Variants in UBQLN3 observed in about 807,000 individuals in gnomAD.
UBQLN3 encodes ubiquilin-3.
In UBQLN3, 1 loss-of-function variant was observed where a neutral mutation model predicts 2.9. That is an observed-to-expected ratio of 0.35 (90% CI 0.12 to 1.66). The LOEUF (loss-of-function observed/expected upper bound fraction) is 1.66, where lower values mean the gene tolerates loss of function less well. Ranked by LOEUF, UBQLN3 falls within the 40% of genes most tolerant of loss-of-function variation. The pLI, the probability that UBQLN3 is intolerant of heterozygous loss-of-function variation, is 0.35. For synonymous variants in UBQLN3, 358 were observed against 317.6 expected, an observed-to-expected ratio of 1.13 and a Z score of -1.35; for missense variants, 924 against 816.5, an observed-to-expected ratio of 1.13 and a Z score of -1.61.
rs1191932807 is a variant in UBQLN3, at chr11:5,509,311, T to C, written c.248A>G (p.Asp83Gly). 2.5e-6 allele frequency: 4 copies of C among 1,614,164 alleles called. No homozygotes were observed. ...PDSLAQCGVR[D>G]GLTVHLVIKR... is the part of the protein sequence containing the mutation. ...GATGACCAGGTGGACAGTGAGGCCA[T>C]CTCGCACTCCACACTGTGCCAGTGA... The change falls in exon 2 of 2, where the codon GAT becomes GGT. Residue 83 changes from aspartate (D) to glycine (G), a missense_variant. By Grantham distance (94) the Asp-to-Gly change is moderately conservative. Coordinates refer to ENST00000311659, the MANE Select transcript of UBQLN3 (RefSeq NM_017481.4).
chr11:5,509,916 A>G lies in UBQLN3; in HGVS notation c.-79T>C, dbSNP rs1031395471. On this transcript the variant is annotated 5_prime_UTR_variant, in exon 1 of 2. Coordinates refer to ENST00000311659, the MANE Select transcript of UBQLN3 (RefSeq NM_017481.4). Reference sequence around the variant, plus strand: ...GTCCTTCTCTTTATGCAGGGCTCCAAACCTCCCTCATCTTGCTACACAGCC... The same window carrying G: ...GTCCTTCTCTTTATGCAGGGCTCCAGACCTCCCTCATCTTGCTACACAGCC... 17 of 207,140 alleles carry G rather than the reference A, an allele frequency of 8.2e-5. No individual in the cohort carries two copies. The highest frequency in any genetic ancestry group is 4.7e-4 in the Admixed American group (9 of 18,954). 12.8% of individuals were successfully genotyped at this position (207,140 alleles called of 1,614,324 possible).
Position 5,509,266 on chromosome 11 carries a change from A to G in UBQLN3, c.293T>C (p.Met98Thr), listed in dbSNP as rs200309970. 5 of 1,614,208 alleles carry G rather than the reference A, an allele frequency of 3.1e-6. No individual in the cohort carries two copies. The highest frequency in any genetic ancestry group is 2.7e-5 in the African/African-American group (2 of 75,064). Reference sequence around the variant, plus strand: ...AGAGGCAGCTGGGCACTCATTGCCCATGGCACGGTGCTGCCTCTTGATGAC... The same window carrying G: ...AGAGGCAGCTGGGCACTCATTGCCCGTGGCACGGTGCTGCCTCTTGATGAC... ...HLVIKRQHRA[M>T]GNECPAASVP... Residue 98 changes from methionine to threonine, a missense_variant, in exon 2 of 2, where the codon ATG (methionine) becomes ACG (threonine). By Grantham distance (81) the Met-to-Thr change is moderately conservative. Transcript: ENST00000311659.
Position 5,509,401 on chromosome 11 carries a change from C to T in UBQLN3, c.158G>A (p.Arg53His), listed in dbSNP as rs374667845. 75 of 1,614,026 alleles carry T rather than the reference C, an allele frequency of 4.6e-5. No homozygotes were observed. The highest frequency in any genetic ancestry group is 1.6e-4 in the Middle Eastern group (1 of 6,084). ...AAGCTGATCGGGGTGGGCCTTAAAG[C>T]GCTGAGATATCTCTTCCTTCAGCTG... Reference protein sequence around the residue: ...IQQLKEEISQRFKAHPDQLVL... With the variant: ...IQQLKEEISQHFKAHPDQLVL... The change falls in exon 2 of 2, where the codon CGC becomes CAC. Residue 53 changes from arginine (R) to histidine (H), a missense_variant. By Grantham distance (29) the Arg-to-His change is conservative (BLOSUM62 0). Coordinates refer to ENST00000311659, the MANE Select transcript of UBQLN3 (RefSeq NM_017481.4).
chr11:5,508,757 C>A lies in UBQLN3; in HGVS notation c.802G>T (p.Ala268Ser). 1.2e-6 allele frequency: 2 copies of A among 1,614,024 alleles called. No homozygotes were observed. Among genetic ancestry groups the A allele is most frequent in the Non-Finnish European group, 1.7e-6 (2 of 1,180,022 alleles). ...YTDIMDPMLNAVQEQFGGNPF... is the reference protein window; with the variant it reads ...YTDIMDPMLNSVQEQFGGNPF... The stretch of plus-strand genomic sequence containing the variant: ...TTGCCGCCAAACTGCTCCTGGACTG[C>A]GTTAAGCATTGGGTCCATAATATCT... The change falls in exon 2 of 2, where the codon GCA becomes TCA. Residue 268 changes from alanine (A) to serine (S), a missense_variant. Ala to Ser is a moderately conservative substitution (Grantham distance 99). Coordinates refer to ENST00000311659, the MANE Select transcript of UBQLN3 (RefSeq NM_017481.4). The surrounding 1 kb of genome is among the most constrained non-coding windows in gnomAD (Gnocchi z 4.2).
Position 5,509,308 on chromosome 11 carries a change from C to A in UBQLN3, c.251G>T (p.Gly84Val). The change falls in exon 2 of 2, where the codon GGC (glycine) becomes GTC (valine). Residue 84 changes from glycine to valine, a missense_variant. Gly to Val is a moderately radical substitution (Grantham distance 109). Transcript: ENST00000311659. ...DSLAQCGVRD[G>V]LTVHLVIKRQ... ...CTTGATGACCAGGTGGACAGTGAGG[C>A]CATCTCGCACTCCACACTGTGCCAG... is the stretch of plus-strand genomic sequence containing the variant. 1.2e-6 allele frequency: 2 copies of A among 1,614,126 alleles called. No homozygotes were observed. Among genetic ancestry groups the A allele is most frequent in the Non-Finnish European group, 1.7e-6 (2 of 1,179,996 alleles).
rs182850714 is a variant in UBQLN3, at chr11:5,507,755, A to T, written c.1804T>A (p.Leu602Ile). ...SPPFLHMLQD[L>I]VSTNPQQLQP... ...AGCTGCTGGGGATTTGTACTAACTA[A>T]ATCTTGCAGCATATGGAGAAAGGGA... Residue 602 changes from leucine (L) to isoleucine (I), a missense_variant, in exon 2 of 2, where the codon TTA becomes ATA. Physicochemically the swap from Leu to Ile is conservative, Grantham distance 5. Coordinates refer to ENST00000311659, the MANE Select transcript of UBQLN3 (RefSeq NM_017481.4). 25 of 1,614,102 alleles carry T rather than the reference A, an allele frequency of 1.5e-5. No homozygotes were observed. The highest frequency in any genetic ancestry group is 2.0e-5 in the Non-Finnish European group (24 of 1,180,014).
At position 5,507,683 on chromosome 11, in the gene UBQLN3, T is replaced by C; in HGVS notation, c.1876A>G (p.Met626Val). The change falls in exon 2 of 2, where the codon ATG (methionine) becomes GTG (valine). Residue 626 changes from methionine (M) to valine (V), a missense_variant. Met to Val is a conservative substitution (Grantham distance 21). Coordinates refer to ENST00000311659, the MANE Select transcript of UBQLN3 (RefSeq NM_017481.4). ...FQVQLEQLRS[M>V]GFLNREANLQ... The stretch of plus-strand genomic sequence containing the variant: ...TTGGCTTCACGATTCAGAAAGCCCA[T>C]GGACCGCAGTTGCTCCAGCTGCACC... The C allele has an allele frequency of 6.2e-7, 1 of 1,614,108 alleles. No individual in the cohort carries two copies. The highest frequency in any genetic ancestry group is 8.5e-7 in the Non-Finnish European group (1 of 1,180,032).
chr11:5,507,557 A>T lies in UBQLN3; in HGVS notation c.*34T>A, dbSNP rs774242857. ...GAACTAGGATATGGGAAAAAGGCAC[A>T]GAGGAAAACGTATGGTTTGAATGAA... On this transcript the variant is annotated 3_prime_UTR_variant, in exon 2 of 2. Coordinates refer to ENST00000311659, the MANE Select transcript of UBQLN3 (RefSeq NM_017481.4). 7.1e-6 allele frequency: 11 copies of T among 1,540,746 alleles called. No homozygotes were observed. The African/African-American group carries it at 1.5e-4, about 21-fold the overall frequency.
In UBQLN3 at chr11:5,507,771, G is replaced by A. The variant is rs760227469; in HGVS notation, c.1788C>T (p.Leu596=). 6.8e-6 allele frequency: 11 copies of A among 1,614,110 alleles called. No individual in the cohort carries two copies. In the South Asian group the frequency reaches 1.2e-4, roughly 18 times the overall value. ...AELGFLSPPF[L]HMLQDLVSTN... is the part of the protein sequence containing the mutation. ...TACTAACTAAATCTTGCAGCATATG[G>A]AGAAAGGGAGGGGAAAGGAAGCCCA... Residue 596 remains leucine (L), a synonymous_variant, in exon 2 of 2, where the codon CTC becomes CTT. Transcript: ENST00000311659.
In UBQLN3 at chr11:5,508,705, T is replaced by C; in HGVS notation, c.854A>G (p.Asn285Ser). 1 of 1,613,990 alleles carries C rather than the reference T, an allele frequency of 6.2e-7. No individual in the cohort carries two copies. Among genetic ancestry groups the C allele is most frequent in the Non-Finnish European group, 8.5e-7 (1 of 1,180,012 alleles). Residue 285 changes from asparagine to serine, a missense_variant, in exon 2 of 2, where the codon AAT (asparagine) becomes AGT (serine). Coordinates refer to ENST00000311659, the MANE Select transcript of UBQLN3 (RefSeq NM_017481.4). This position sits in a 1 kb window ranked among gnomAD's most constrained non-coding sequence, Gnocchi z 4.2. The stretch of plus-strand genomic sequence containing the variant: ...AGGTTGGCTGGTGGTGGTGGTGGCA[T>C]TATCAGTAGTGGCAGTGGCAAAGGG... ...GNPFATATTD[N>S]ATTTTSQPSR...
chr11:5,509,421 C>T lies in UBQLN3; in HGVS notation c.138G>A (p.Leu46=). The T allele has an allele frequency of 6.2e-7, 1 of 1,614,236 alleles. No homozygotes were observed. Among genetic ancestry groups the T allele is most frequent in the Non-Finnish European group, 8.5e-7 (1 of 1,180,040 alleles). The change falls in exon 2 of 2, where the codon CTG becomes CTA. Residue 46 remains leucine (L), a synonymous_variant. Transcript: ENST00000311659. ...SVTDTCTIQQ[L]KEEISQRFKA... ...TAAAGCGCTGAGATATCTCTTCCTT[C>T]AGCTGCTGGATAGTGCATGTGTCTG...
Position 5,508,759 on chromosome 11 carries a change from T to C in UBQLN3, c.800A>G (p.Asn267Ser), listed in dbSNP as rs1379181423. ...GCCGCCAAACTGCTCCTGGACTGCG[T>C]TAAGCATTGGGTCCATAATATCTGT... Reference protein sequence around the residue: ...MYTDIMDPMLNAVQEQFGGNP... With the variant: ...MYTDIMDPMLSAVQEQFGGNP... The change falls in exon 2 of 2, where the codon AAC becomes AGC. Residue 267 changes from asparagine to serine, a missense_variant. By Grantham distance (46) the Asn-to-Ser change is conservative (BLOSUM62 1). Coordinates refer to ENST00000311659, the MANE Select transcript of UBQLN3 (RefSeq NM_017481.4). The surrounding 1 kb of genome is among the most constrained non-coding windows in gnomAD (Gnocchi z 4.2). 1 of 1,614,072 alleles carries C rather than the reference T, an allele frequency of 6.2e-7. No homozygotes were observed. Among genetic ancestry groups the C allele is most frequent in the South Asian group, 1.1e-5 (1 of 91,070 alleles).
Position 5,508,820 on chromosome 11 carries a change from T to C in UBQLN3, c.739A>G (p.Ile247Val). ...CAAAGCACATTGTAGCCACCAGGAA[T>C]GCTCTCCAAGTTACTGAGCACCCGG... ...QDRVLSNLES[I>V]PGGYNVLCTM... is the part of the protein sequence containing the mutation. The change falls in exon 2 of 2, where the codon ATT (isoleucine) becomes GTT (valine). Residue 247 changes from isoleucine to valine, a missense_variant. Transcript: ENST00000311659. This position sits in a 1 kb window ranked among gnomAD's most constrained non-coding sequence, Gnocchi z 4.2. 6.2e-7 allele frequency: 1 copy of C among 1,614,208 alleles called. No individual in the cohort carries two copies.
In UBQLN3 at chr11:5,508,695, G is replaced by C; in HGVS notation, c.864C>G (p.Thr288=). ...FATATTDNAT[T]TTSQPSRMEN... Reference sequence around the variant, plus strand: ...CCATCCTTGAAGGTTGGCTGGTGGTGGTGGTGGCATTATCAGTAGTGGCAG... The same window carrying C: ...CCATCCTTGAAGGTTGGCTGGTGGTCGTGGTGGCATTATCAGTAGTGGCAG... The change falls in exon 2 of 2, where the codon ACC becomes ACG. Residue 288 remains threonine (T), a synonymous_variant. Transcript: ENST00000311659. The surrounding 1 kb of genome is among the most constrained non-coding windows in gnomAD (Gnocchi z 4.2). 3.7e-6 allele frequency: 6 copies of C among 1,614,040 alleles called. No individual in the cohort carries two copies. Among genetic ancestry groups the C allele is most frequent in the Non-Finnish European group, 5.1e-6 (6 of 1,180,024 alleles).
chr11:5,508,126 G>A lies in UBQLN3; in HGVS notation c.1433C>T (p.Pro478Leu), dbSNP rs1156580725. 1.9e-6 allele frequency: 3 copies of A among 1,614,096 alleles called. No homozygotes were observed. Among genetic ancestry groups the A allele is most frequent in the South Asian group, 1.1e-5 (1 of 91,076 alleles). Residue 478 changes from proline to leucine, a missense_variant, in exon 2 of 2, where the codon CCA becomes CTA. Coordinates refer to ENST00000311659, the MANE Select transcript of UBQLN3 (RefSeq NM_017481.4). This position sits in a 1 kb window ranked among gnomAD's most constrained non-coding sequence, Gnocchi z 4.2. ...CAGAGATCTTGGATAAGCCGGGGAT[G>A]GCAGCCAGGGAGGCTCAGGGATTCC... ...IPGIPEPPWL[P>L]SPAYPRSLRP...
chr11:5,509,774 G>A lies in UBQLN3; in HGVS notation c.-37+100C>T, dbSNP rs1846446185. The A allele has an allele frequency of 4.1e-6, 3 of 727,272 alleles. No individual in the cohort carries two copies. In the South Asian group the frequency reaches 6.2e-5, roughly 15 times the overall value. 45.1% of individuals were successfully genotyped at this position (727,272 alleles called of 1,614,324 possible). ...GAAGATTGCGGGATTGAGATATGTT[G>A]GAATCAGGGGAGGGAAATGCAGGGC... is the stretch of plus-strand genomic sequence containing the variant. On this transcript the variant is annotated intron_variant, in intron 1 of 1. Transcript: ENST00000311659.
chr11:5,508,693 G>C lies in UBQLN3; in HGVS notation c.866C>G (p.Thr289Ser), dbSNP rs773712750. ...ATATTDNATT[T>S]TSQPSRMENC... is the part of the protein sequence containing the mutation. ...CTCCATCCTTGAAGGTTGGCTGGTG[G>C]TGGTGGTGGCATTATCAGTAGTGGC... Residue 289 changes from threonine to serine, a missense_variant, in exon 2 of 2, where the codon ACC becomes AGC. Thr to Ser is a moderately conservative substitution (Grantham distance 58, BLOSUM62 1). Transcript: ENST00000311659. This position sits in a 1 kb window ranked among gnomAD's most constrained non-coding sequence, Gnocchi z 4.2. 1 of 1,614,018 alleles carries C rather than the reference G, an allele frequency of 6.2e-7. No individual in the cohort carries two copies. Among genetic ancestry groups the C allele is most frequent in the South Asian group, 1.1e-5 (1 of 91,078 alleles).
Position 5,507,596 on chromosome 11 carries a change from A to G in UBQLN3, c.1963T>C (p.Ser655Pro), listed in dbSNP as rs1846396107. ...VDAAVEKLRQ[S>P] ...GGTTTGAATGAATAAGGCTCCTACG[A>G]CTGTCTCAGCTTCTCCACAGCAGCA... is the stretch of plus-strand genomic sequence containing the variant. Residue 655 changes from serine to proline, a missense_variant, in exon 2 of 2, where the codon TCG becomes CCG. Physicochemically the swap from Ser to Pro is moderately conservative, Grantham distance 74. Transcript: ENST00000311659. The G allele has an allele frequency of 3.1e-6, 5 of 1,602,316 alleles. No individual in the cohort carries two copies. The East Asian group carries it at 6.7e-5, about 21-fold the overall frequency.
intron 1 of UBQLN3, 97 bp from the exon 2 acceptor site, chr11:5,509,691 G>A (rs1455342496): frequency 2.9e-6 from 4 of 1,403,260 alleles, no homozygotes; most frequent in African/African-American, 1.5e-5. Flanking sequence ...TCAGGATAGG[G>A]AAATCTGCAG....
Sources: gnomAD v4.1 joint callset for allele counts on GRCh38, gnomAD v4.1.1 for gene constraint, Gnocchi (gnomAD v3.1) non-coding constraint, MANE v1.5 for transcripts, NCBI Gene and HGNC (gene_info 2026-07-23, HGNC 2026-07-21) for gene names.